CNTN4: variants seen among roughly 807,000 people sequenced by gnomAD.
The protein encoded by CNTN4 is contactin-4.
In CNTN4, 77 loss-of-function variants were observed where a neutral mutation model predicts 122.5. The observed-to-expected ratio is 0.63, with a 90% confidence interval of 0.52 to 0.76. CNTN4 has a LOEUF of 0.76. Among genes scored for constraint, CNTN4 ranks in the 30% least tolerant of loss-of-function variants. CNTN4 has a pLI of 0.00. For missense variants in CNTN4, 1,256 were observed against 1,259.1 expected (o/e 1.00, Z 0.04); for synonymous variants, 512 against 447.0 (o/e 1.15, Z -1.83).
At chr3:2,533,420 G>T (rs2077674468) in intron 3 of CNTN4, among the ~76,000 whole-genome samples, 1 of 152,042 alleles carries the variant, frequency 6.6e-6, no homozygotes, top group African/African-American at 2.4e-5. Context: ...TGCTGAGAAT[G>T]ATGGTTTCCA....
At chr3:2,375,067 T>C (rs1351423958) in intron 3 of CNTN4, among the ~76,000 whole-genome samples, 1 of 152,220 alleles carries the variant, frequency 6.6e-6, no homozygotes, top group Non-Finnish European at 1.5e-5. Flanking sequence ...AGAAAGTCAT[T>C]GTAAAAATCT....
intron 2 of CNTN4, among the ~76,000 whole-genome samples, chr3:2,296,810 A>AT (rs2042332396): frequency 5.3e-5 from 8 of 151,402 alleles, no homozygotes; most frequent in African/African-American, 1.7e-4. Context: ...ACAACAAAAA[A>AT]CTATAATTCC....
At chr3:2,649,938 G>T (rs2083288759) in intron 4 of CNTN4, among the ~76,000 whole-genome samples, 1 of 151,104 alleles carries the variant, frequency 6.6e-6, no homozygotes, top group South Asian at 2.1e-4. Context: ...AGACCAGCCT[G>T]ACCAACATGG....
At chr3:2,958,929 G>T (rs2094826752) in intron 13 of CNTN4, among the ~76,000 whole-genome samples, 1 of 152,192 alleles carries the variant, frequency 6.6e-6, no homozygotes, top group Non-Finnish European at 1.5e-5. Flanking sequence ...CCATTGGCTA[G>T]TTGTCTTGCC....
intron 2 of CNTN4, among the ~76,000 whole-genome samples, chr3:2,181,655 TA>T (rs1402503844): frequency 6.6e-6 from 1 of 152,168 alleles, no homozygotes; most frequent in East Asian, 1.9e-4. Context: ...TAGTTAGTGT[TA>T]AAAAAAGCCA....
At chr3:2,625,358 A>G (rs1455676847) in intron 4 of CNTN4, among the ~76,000 whole-genome samples, 3 of 152,230 alleles carry the variant, frequency 2.0e-5, no homozygotes, top group African/African-American at 7.2e-5. Flanking sequence ...ATACAAGAAT[A>G]CTTACAAAGT....
intron 4 of CNTN4, among the ~76,000 whole-genome samples, chr3:2,719,358 T>C (rs980949): frequency 0.37 from 56,017 of 150,900 alleles, 12,341 homozygotes; most frequent in African/African-American, 0.6. Flanking sequence ...TGCAGTGTCA[T>C]GATCTCGGCT....
intron 2 of CNTN4, among the ~76,000 whole-genome samples, chr3:2,218,121 C>G (rs951564609): frequency 6.6e-6 from 1 of 152,076 alleles, no homozygotes; most frequent in African/African-American, 2.4e-5. Flanking sequence ...AGAATGTATA[C>G]AGGCATGAGA....
intron 3 of CNTN4, among the ~76,000 whole-genome samples, chr3:2,408,442 T>C (rs1190138367): frequency 6.6e-6 from 1 of 152,214 alleles, no homozygotes; most frequent in East Asian, 1.9e-4. Context: ...TTTATAATTC[T>C]CATTTAGGAG....
intron 3 of CNTN4, among the ~76,000 whole-genome samples, chr3:2,440,757 AAT>A (rs970097919): frequency 6.7e-6 from 1 of 150,162 alleles, no homozygotes; most frequent in African/African-American, 2.4e-5. Context: ...TATATGTGTG[AAT>A]ATATATACAC....
At chr3:2,922,528 G>C (rs144039164) in intron 12 of CNTN4, among the ~76,000 whole-genome samples, 12 of 151,576 alleles carry the variant, frequency 7.9e-5, no homozygotes, top group African/African-American at 2.7e-4. Flanking sequence ...ACAGTTTATG[G>C]TTACAACTGA....
intron 8 of CNTN4, among the ~76,000 whole-genome samples, chr3:2,871,079 G>A (rs112090927): frequency 0.023 from 3,464 of 152,220 alleles, 55 homozygotes; most frequent in Middle Eastern, 0.051. Context: ...GGGCCAGGAG[G>A]TAAGGACACA....
At chr3:2,333,030 C>CTA (rs1240713478) in intron 2 of CNTN4, among the ~76,000 whole-genome samples, 2 of 152,156 alleles carry the variant, frequency 1.3e-5, no homozygotes, top group Non-Finnish European at 2.9e-5. Flanking sequence ...CTGGGATGTC[C>CTA]TATAGACTGG....
At chr3:2,471,730 C>G (rs1390873291) in intron 3 of CNTN4, among the ~76,000 whole-genome samples, 2 of 152,154 alleles carry the variant, frequency 1.3e-5, no homozygotes, top group African/African-American at 2.4e-5. Flanking sequence ...TAAAAAAGCT[C>G]TCCTCTAAAT....
intron 6 of CNTN4, among the ~76,000 whole-genome samples, chr3:2,775,647 C>G (rs1318198294): frequency 6.6e-6 from 1 of 152,118 alleles, no homozygotes; most frequent in Non-Finnish European, 1.5e-5. Context: ...TCTTGAATTG[C>G]TGGCCTCAAG....
At chr3:2,851,412 TC>T in intron 7 of CNTN4, among the ~76,000 whole-genome samples, 1 of 152,206 alleles carries the variant, frequency 6.6e-6, no homozygotes, top group Admixed American at 6.5e-5. Flanking sequence ...TCTCCAGTAC[TC>T]TGTCTTACTC....
At chr3:2,253,387 A>C (rs2040448843) in intron 2 of CNTN4, among the ~76,000 whole-genome samples, 1 of 152,146 alleles carries the variant, frequency 6.6e-6, no homozygotes, top group Non-Finnish European at 1.5e-5. Flanking sequence ...ATGAGAGCTG[A>C]GACCAGAATT....
At chr3:2,962,988 A>G (rs1385232863) in intron 13 of CNTN4, among the ~76,000 whole-genome samples, 3 of 152,070 alleles carry the variant, frequency 2.0e-5, no homozygotes, top group Admixed American at 2.0e-4. Flanking sequence ...CTGCAGTTTG[A>G]TCAGCGCAGA....
chr3:2,619,219 A>G (rs2081899564), intron 4 of CNTN4, among the ~76,000 whole-genome samples: 2 of 152,242 alleles, frequency 1.3e-5, no homozygotes, highest in African/African-American at 4.8e-5. Context: ...AAACTATAAA[A>G]GAAGAGAAAA....
Sources: allele counts gnomAD v4.1 joint callset (sites outside exome capture counted in the v4.1 genomes callset), GRCh38; gene constraint gnomAD v4.1.1; transcripts MANE v1.5; gene names NCBI Gene and HGNC (gene_info 2026-07-23, HGNC 2026-07-21).